KCNJ6: variants seen among roughly 807,000 people sequenced by gnomAD.
The protein encoded by KCNJ6 is G protein-activated inward rectifier potassium channel 2.
In KCNJ6, 9 loss-of-function variants were observed where a neutral mutation model predicts 34.2. That is an observed-to-expected ratio of 0.26 (90% CI 0.16 to 0.46). The LOEUF (loss-of-function observed/expected upper bound fraction) is 0.46, where lower values mean the gene tolerates loss of function less well. Among genes scored for constraint, KCNJ6 ranks in the 20% least tolerant of loss-of-function variants. The probability of loss-of-function intolerance (pLI) is 1.00; values close to 1 mark genes in which losing one functional copy is unlikely to be tolerated. For synonymous variants in KCNJ6, 196 were observed against 207.1 expected (o/e 0.95, Z 0.46); for missense variants, 236 against 531.3 (o/e 0.44, Z 5.46).
In KCNJ6 at chr21:37,656,908, A is replaced by G. The variant is rs369508915; in HGVS notation, c.947-31424T>C. The stretch of plus-strand genomic sequence containing the variant: ...CCCAAGAAGTTGGCACCCCAGCGCC[A>G]GGGTACTCAATGATGCTTGTGCTTC... On this transcript the variant is annotated intron_variant, in intron 3 of 3. Transcript: ENST00000609713. Among the ~76,000 whole-genome samples, 7 of 152,322 alleles carry G rather than the reference A, an allele frequency of 4.6e-5. No individual in the cohort carries two copies. In the South Asian group the frequency reaches 1.2e-3, roughly 27 times the overall value.
chr21:37,881,775 T>C (rs2055709655), intron 1 of KCNJ6, among the ~76,000 whole-genome samples: 3 of 152,102 alleles, frequency 2.0e-5, no homozygotes, highest in Non-Finnish European at 4.4e-5. Flanking sequence ...AGTTCTCATC[T>C]CCAAATGCCA....
chr21:37,885,928 C>T (rs536218607), intron 1 of KCNJ6, among the ~76,000 whole-genome samples: 3 of 152,126 alleles, frequency 2.0e-5, no homozygotes, highest in Admixed American at 6.5e-5. Context: ...TTGCCTTTCT[C>T]GAGGTTATTT....
chr21:37,839,230 G>T (rs1452836879), intron 2 of KCNJ6, among the ~76,000 whole-genome samples: 3 of 152,156 alleles, frequency 2.0e-5, no homozygotes, highest in African/African-American at 7.2e-5. Context: ...AAGACTACAG[G>T]TGGAAAAAAA....
intron 2 of KCNJ6, among the ~76,000 whole-genome samples, chr21:37,718,598 T>C (rs1323073088): frequency 7.3e-5 from 11 of 151,636 alleles, no homozygotes; most frequent in African/African-American, 2.7e-4. Flanking sequence ...CATATTCTCA[T>C]AGGTGGGAAT....
intron 1 of KCNJ6, among the ~76,000 whole-genome samples, chr21:37,846,390 T>A: frequency 1.2e-5 from 1 of 80,534 alleles, no homozygotes; most frequent in African/African-American, 4.4e-5. Context: ...TGTGTGTGTG[T>A]GTGTGTGTGT....
chr21:37,734,405 G>A (rs565969918), intron 2 of KCNJ6, among the ~76,000 whole-genome samples: 87 of 152,214 alleles, frequency 5.7e-4, no homozygotes, highest in African/African-American at 1.9e-3. Context: ...GTTCTATAGC[G>A]GAGAGAGCAC....
intron 2 of KCNJ6, among the ~76,000 whole-genome samples, chr21:37,759,136 G>A (rs1021681322): frequency 5.9e-5 from 9 of 152,158 alleles, no homozygotes; most frequent in Non-Finnish European, 1.3e-4. Context: ...AGATCAGCTC[G>A]CAGTTCAGCT....
At chr21:37,874,989 A>G (rs1233990526) in intron 1 of KCNJ6, among the ~76,000 whole-genome samples, 1 of 152,186 alleles carries the variant, frequency 6.6e-6, no homozygotes, top group Non-Finnish European at 1.5e-5. Flanking sequence ...AGATTCTGGC[A>G]GTTCTGCTCC....
At position 37,615,285 on chromosome 21, in the gene KCNJ6, C is replaced by T. The variant is rs987520225; in HGVS notation, c.*9874G>A. 2 of 133,176 alleles carry T rather than the reference C, an allele frequency of 1.5e-5. No homozygotes were observed. Among genetic ancestry groups the T allele is most frequent in the Non-Finnish European group, 1.5e-5 (1 of 65,754 alleles). 8.2% of individuals were successfully genotyped at this position (133,176 alleles called of 1,614,324 possible). On this transcript the variant is annotated 3_prime_UTR_variant, in exon 4 of 4. Transcript: ENST00000609713. ...TTTTTTTTTTTGAGACGGAGTCTCG[C>T]TCTGTCGCCCAGGTCGGACTGCGGA...
rs1022158401 is a variant in KCNJ6 at position 37,747,697 on chromosome 21, A to G, written c.26-32566T>C. 7.9e-5 allele frequency among the ~76,000 whole-genome samples: 12 copies of G among 151,490 alleles called. No homozygotes were observed. In the East Asian group the frequency reaches 2.3e-3, roughly 29 times the overall value. ...GACTCAGCCCATGGTGCTGGCTTTG[A>G]GGGGGGAGGAGGGGGCCATGAGACA... is the stretch of plus-strand genomic sequence containing the variant. On this transcript the variant is annotated intron_variant, in intron 2 of 3. Transcript: ENST00000609713.
At chr21:37,722,123 C>CAA (rs34419315) in intron 2 of KCNJ6, among the ~76,000 whole-genome samples, 1 of 151,884 alleles carries the variant, frequency 6.6e-6, no homozygotes. Flanking sequence ...AATCAATGTA[C>CAA]AAAAATCAGT....
chr21:37,700,965 C>A (rs2054687992), intron 3 of KCNJ6, among the ~76,000 whole-genome samples: 1 of 152,124 alleles, frequency 6.6e-6, no homozygotes, highest in Admixed American at 6.5e-5. Context: ...CAGGTCATTT[C>A]CGACCTGGGC....
chr21:37,871,148 C>T (rs1330002117), intron 1 of KCNJ6, among the ~76,000 whole-genome samples: 1 of 152,122 alleles, frequency 6.6e-6, no homozygotes, highest in Non-Finnish European at 1.5e-5. Context: ...GGGACAGTTT[C>T]AAGTGGATGA....
intron 1 of KCNJ6, among the ~76,000 whole-genome samples, chr21:37,899,081 C>T: frequency 6.6e-6 from 1 of 152,148 alleles, no homozygotes; most frequent in East Asian, 1.9e-4. Flanking sequence ...GAAGTAAAGG[C>T]TTTCAACCCT....
At chr21:37,721,223 G>A (rs2123458735) in intron 2 of KCNJ6, among the ~76,000 whole-genome samples, 1 of 152,252 alleles carries the variant, frequency 6.6e-6, no homozygotes, top group East Asian at 1.9e-4. Flanking sequence ...AAGCCATAAT[G>A]AGATACCACT....
intron 3 of KCNJ6, among the ~76,000 whole-genome samples, chr21:37,650,226 C>T (rs2054427008): frequency 6.6e-6 from 1 of 152,182 alleles, no homozygotes; most frequent in African/African-American, 2.4e-5. Context: ...CTTCCTTGAG[C>T]TCTCTGCTCC....
At position 37,616,600 on chromosome 21, in the gene KCNJ6, T is replaced by TATATATATATATATATATATATAACC. The variant is rs1556008734; in HGVS notation, c.*8558_*8559insGGTTATATATATATATATATATATAT. 8.1e-6 allele frequency: 1 copy of TATATATATATATATATATATATAACC among 123,108 alleles called. No individual in the cohort carries two copies. The highest frequency in any genetic ancestry group is 1.7e-5 in the Non-Finnish European group (1 of 59,530). The allele number at this position is 123,108 out of a possible 1,614,324, so 7.6% of individuals were successfully genotyped here. A position where few individuals can be genotyped will look rare whatever the true frequency, so the allele number is the denominator to read the frequency against. On this transcript the variant is annotated 3_prime_UTR_variant, in exon 4 of 4. Coordinates refer to ENST00000609713, the MANE Select transcript of KCNJ6 (RefSeq NM_002240.5). ...CAGGAACAAAATGTACATATATATA[T>TATATATATATATATATATATATAACC]ATATATATATATATATGGTTAGACT... is the stretch of plus-strand genomic sequence containing the variant.
intron 3 of KCNJ6, among the ~76,000 whole-genome samples, chr21:37,678,787 G>A (rs1007645383): frequency 1.1e-4 from 17 of 152,220 alleles, no homozygotes; most frequent in African/African-American, 4.1e-4. Context: ...AGCACCTACT[G>A]TAGTGGTGAA....
chr21:37,805,061 C>T (rs1399987562), intron 2 of KCNJ6, among the ~76,000 whole-genome samples: 1 of 151,996 alleles, frequency 6.6e-6, no homozygotes, highest in Non-Finnish European at 1.5e-5. Context: ...GAAATATTCA[C>T]AACAGGAAAT....
Sources: allele counts gnomAD v4.1 joint callset (sites outside exome capture counted in the v4.1 genomes callset), GRCh38; gene constraint gnomAD v4.1.1; transcripts MANE v1.5; gene names NCBI Gene and HGNC (gene_info 2026-07-23, HGNC 2026-07-21).